CA14: variants seen among roughly 807,000 people sequenced by gnomAD.
CA14 encodes CA-XIV.
In CA14, 44 loss-of-function variants were observed where a neutral mutation model predicts 48.8. That is an observed-to-expected ratio of 0.90 (90% CI 0.71 to 1.16). The LOEUF is 1.16. CA14 is among the 50% of genes most tolerant of loss of function. The pLI, the probability that CA14 is intolerant of heterozygous loss-of-function variation, is 0.00. For synonymous variants in CA14, 154 were observed against 155.0 expected (o/e 0.99, Z 0.05); for missense variants, 386 against 401.0 (o/e 0.96, Z 0.32).
At position 150,263,893 on chromosome 1, in the gene CA14, TC is replaced by T; in HGVS notation, c.947+17del. Reference sequence around the variant, plus strand: ...AGAAAGATTCGGTGAGGCCCTACTTTCCATTCCTCCAGTCCCTTCTTCTTTT... The same window carrying T: ...AGAAAGATTCGGTGAGGCCCTACTTTCATTCCTCCAGTCCCTTCTTCTTTT... On this transcript the variant is annotated intron_variant, in intron 10 of 10. Transcript: ENST00000369111. The T allele has an allele frequency of 6.5e-7, 1 of 1,545,132 alleles. No homozygotes were observed. The highest frequency in any genetic ancestry group is 8.9e-7 in the Non-Finnish European group (1 of 1,122,386).
Position 150,258,048 on chromosome 1 carries a change from C to A in CA14, c.-81C>A. 2 of 1,049,460 alleles carry A rather than the reference C, an allele frequency of 1.9e-6. No individual in the cohort carries two copies. Among genetic ancestry groups the A allele is most frequent in the Non-Finnish European group, 2.8e-6 (2 of 717,154 alleles). The allele number at this position is 1,049,460 out of a possible 1,614,324, so 65.0% of individuals were successfully genotyped here. On this transcript the variant is annotated 5_prime_UTR_variant, in exon 1 of 11. Transcript: ENST00000369111. Reference sequence around the variant, plus strand: ...GCTCGCTCTCTCTCTCTCTCTCTCACTCCTCCCTCCCTCTCTCTCTGCCTG... The same window carrying A: ...GCTCGCTCTCTCTCTCTCTCTCTCAATCCTCCCTCCCTCTCTCTCTGCCTG...
intron 2 of CA14, 25 bp downstream of exon 2, chr1:150,260,196 A>G (rs1650882998): frequency 1.9e-6 from 3 of 1,613,234 alleles, no homozygotes; most frequent in South Asian, 1.1e-5. Context: ...AGGCCTCCCG[A>G]CAACCCTTTC....
At chr1:150,261,222 G>C in intron 2 of CA14, 1 of 547,326 alleles carries the variant, frequency 1.8e-6, no homozygotes, top group Non-Finnish European at 3.3e-6. Context: ...CATCAGGATA[G>C]TTGGGGAATC....
chr1:150,259,105 T>TG (rs782610271), intron 1 of CA14, among the ~76,000 whole-genome samples: 20 of 152,258 alleles, frequency 1.3e-4, no homozygotes, highest in East Asian at 3.9e-4. Context: ...TTTGAGTTGT[T>TG]GGGGGGTCCC....
At chr1:150,259,939 C>A (rs1336123076) in intron 1 of CA14, among the ~76,000 whole-genome samples, 4 of 152,174 alleles carry the variant, frequency 2.6e-5, no homozygotes, top group Non-Finnish European at 5.9e-5. Context: ...CAGGCACCAA[C>A]ACAGCCTGGC....
chr1:150,259,910 C>G (rs1553847406), intron 1 of CA14, among the ~76,000 whole-genome samples: 1 of 152,154 alleles, frequency 6.6e-6, no homozygotes, highest in Non-Finnish European at 1.5e-5. Flanking sequence ...CTTTTCCTTC[C>G]TCCTCCCCTT....
chr1:150,261,420 C>T, intron 2 of CA14, 39 bp from the exon 3 acceptor site: 2 of 1,586,610 alleles, frequency 1.3e-6, no homozygotes, highest in Non-Finnish European at 1.7e-6. Context: ...GTAGCTAGAG[C>T]TGGAGGACAG....
chr1:150,262,356 G>A (rs1191825158), intron 4 of CA14, 56 bp downstream of exon 4: 3 of 1,562,406 alleles, frequency 1.9e-6, no homozygotes, highest in Non-Finnish European at 2.6e-6. Flanking sequence ...GGGTGGTCCT[G>A]GGGAAAGGAT....
In CA14 at chr1:150,262,531, A is replaced by G; in HGVS notation, c.406A>G (p.Ile136Val). Residue 136 changes from isoleucine (I) to valine (V), a missense_variant, in exon 5 of 11, where the codon ATT becomes GTT. By Grantham distance (29) the Ile-to-Val change is conservative (BLOSUM62 3). Transcript: ENST00000369111. ...TCCCTCTTCCTTCCTTTAGCTCCACATTGTACATTATGACTCTGATTCCTA... is the reference window on the plus strand; with the variant it reads ...TCCCTCTTCCTTCCTTTAGCTCCACGTTGTACATTATGACTCTGATTCCTA... ...NSEATFAELHIVHYDSDSYDS... is the reference protein window; with the variant it reads ...NSEATFAELHVVHYDSDSYDS... 2.5e-6 allele frequency: 4 copies of G among 1,613,176 alleles called. No homozygotes were observed. Among genetic ancestry groups the G allele is most frequent in the African/African-American group, 1.3e-5 (1 of 74,992 alleles).
At position 150,263,912 on chromosome 1, in the gene CA14, CTTCT is replaced by C. The variant is rs782670314; in HGVS notation, c.947+37_947+40del. 16 of 997,786 alleles carry C rather than the reference CTTCT, an allele frequency of 1.6e-5. No homozygotes were observed. The Admixed American group carries it at 3.0e-4, about 19-fold the overall frequency. 61.8% of individuals were successfully genotyped at this position (997,786 alleles called of 1,614,324 possible). ...CTACTTTCCATTCCTCCAGTCCCTT[CTTCT>C]TTTTTTTTTTTTTTTTGGTAGGTGG... On this transcript the variant is annotated intron_variant, in intron 10 of 10. Coordinates refer to ENST00000369111, the MANE Select transcript of CA14 (RefSeq NM_012113.3).
chr1:150,258,820 G>A (rs1408606242), intron 1 of CA14, among the ~76,000 whole-genome samples: 1 of 152,212 alleles, frequency 6.6e-6, no homozygotes, highest in Non-Finnish European at 1.5e-5. Flanking sequence ...GTGTCCCCAG[G>A]AACTCCTAGA....
chr1:150,259,619 T>C (rs781807660), intron 1 of CA14, among the ~76,000 whole-genome samples: 2 of 152,118 alleles, frequency 1.3e-5, no homozygotes, highest in Non-Finnish European at 1.5e-5. Context: ...AGAATTTACA[T>C]ATGAGTTTAC....
intron 2 of CA14, chr1:150,260,791 G>C (rs1283153604): frequency 8.6e-6 from 1 of 116,578 alleles, no homozygotes; most frequent in Non-Finnish European, 1.6e-5. Flanking sequence ...ACAGAGTCTT[G>C]CTCTGTCACC....
Position 150,264,873 on chromosome 1 carries a change from G to T in CA14, c.*214G>T, listed in dbSNP as rs1360370937. 2.3e-6 allele frequency: 1 copy of T among 443,262 alleles called. No individual in the cohort carries two copies. Among genetic ancestry groups the T allele is most frequent in the African/African-American group, 2.0e-5 (1 of 50,436 alleles). The allele number at this position is 443,262 out of a possible 1,614,324, so 27.5% of individuals were successfully genotyped here. A position where few individuals can be genotyped will look rare whatever the true frequency, so the allele number is the denominator to read the frequency against. On this transcript the variant is annotated 3_prime_UTR_variant, in exon 11 of 11. Coordinates refer to ENST00000369111, the MANE Select transcript of CA14 (RefSeq NM_012113.3). ...CCTCTCCAAACATGTAGGAGGAAAT[G>T]AGGAAATCGCTGTGTTGTTAATGCA...
intron 4 of CA14, 89 bp downstream of exon 4, chr1:150,262,389 C>T (rs758895152): frequency 8.3e-5 from 126 of 1,525,464 alleles, no homozygotes; most frequent in Non-Finnish European, 1.0e-4. Context: ...AAAAGTCATG[C>T]TGGGGGGATA....
chr1:150,263,056 G>C lies in CA14; in HGVS notation c.577G>C (p.Val193Leu), dbSNP rs1489101361. ...EVRHKDQKTS[V>L]PPFNLRELLP... ...GTTCTCCCCAGATCAGAAGACCTCAGTGCCTCCCTTCAACCTAAGAGAGCT... is the reference window on the plus strand; with the variant it reads ...GTTCTCCCCAGATCAGAAGACCTCACTGCCTCCCTTCAACCTAAGAGAGCT... Residue 193 changes from valine (V) to leucine (L), a missense_variant, in exon 7 of 11, where the codon GTG becomes CTG. Physicochemically the swap from Val to Leu is conservative, Grantham distance 32. Transcript: ENST00000369111. 4 of 1,614,012 alleles carry C rather than the reference G, an allele frequency of 2.5e-6. No homozygotes were observed. Among genetic ancestry groups the C allele is most frequent in the African/African-American group, 2.7e-5 (2 of 74,920 alleles).
rs12132988 is a variant in CA14 at position 150,263,597 on chromosome 1, A to T, written c.842-62A>T. Reference sequence around the variant, plus strand: ...GATTCTCCCAGGCACAGCAGCAGAGAGTGCTGCTCCCAGCTGGGATGGGGA... The same window carrying T: ...GATTCTCCCAGGCACAGCAGCAGAGTGTGCTGCTCCCAGCTGGGATGGGGA... On this transcript the variant is annotated intron_variant, in intron 8 of 10. Transcript: ENST00000369111. The T allele has an allele frequency of 1.0e-3, 1,688 of 1,612,174 alleles. 10 individuals carry two copies. The highest frequency in any genetic ancestry group is 7.2e-3 in the South Asian group (652 of 91,006).
chr1:150,260,067 A>G (rs1650864337), intron 1 of CA14, 84 bp from the exon 2 acceptor site: 3 of 1,336,154 alleles, frequency 2.2e-6, no homozygotes, highest in East Asian at 2.3e-5. Flanking sequence ...GGAGCAGTAC[A>G]GAATGCCAGA....
At chr1:150,263,502 T>G (rs1300646348) in intron 8 of CA14, 83 bp downstream of exon 8, 5 of 1,606,414 alleles carry the variant, frequency 3.1e-6, no homozygotes, top group East Asian at 2.2e-5. Flanking sequence ...AAGAAAAGGC[T>G]AAAAGGGGAG....
Sources: gnomAD v4.1 joint callset for allele counts (sites outside exome capture counted in the v4.1 genomes callset) on GRCh38, gnomAD v4.1.1 for gene constraint, MANE v1.5 for transcripts, NCBI Gene and HGNC (gene_info 2026-07-23, HGNC 2026-07-21) for gene names.